The following DRC3 variants were observed in gnomAD, a reference collection of about 807,000 sequenced individuals.
DRC3 encodes the protein dynein regulatory complex subunit 3.
Under a neutral mutation model 57.6 loss-of-function variants are expected in DRC3, and 45 were observed. That is an observed-to-expected ratio of 0.78 (90% CI 0.62 to 1.00). The LOEUF (loss-of-function observed/expected upper bound fraction) is 1.00. DRC3 is among the 50% of genes least tolerant of loss of function. DRC3 has a pLI of 0.00. For synonymous variants in DRC3, 257 were observed against 272.3 expected (o/e 0.94, Z 0.55); for missense variants, 655 against 675.2 (o/e 0.97, Z 0.33).
intron 1 of DRC3, chr17:17,973,564 C>T (rs2042236334): frequency 6.6e-6 from 1 of 152,122 alleles, no homozygotes. Flanking sequence ...ACTGAGCACA[C>T]AGTAAGCATT....
chr17:17,974,246 A>G (rs1446197993), intron 2 of DRC3, among the ~76,000 whole-genome samples: 1 of 152,244 alleles, frequency 6.6e-6, no homozygotes, highest in Non-Finnish European at 1.5e-5. Context: ...TTAAGTTTCT[A>G]GAAATTTCTC....
intron 12 of DRC3, chr17:18,015,840 G>T: frequency 2.0e-6 from 1 of 502,080 alleles, no homozygotes; most frequent in South Asian, 2.7e-5. Context: ...TAACACCCTG[G>T]TTGGCCCTTT....
At chr17:17,987,214 CAAAAAAAAAAAA>C (rs1046062123) in intron 4 of DRC3, among the ~76,000 whole-genome samples, 5 of 45,190 alleles carry the variant, frequency 1.1e-4, no homozygotes, top group South Asian at 1.1e-3. Flanking sequence ...GACCCTGTCT[CAAAAAAAAAAAA>C]AAAAAAAAAA....
At chr17:17,987,827 T>C in intron 4 of DRC3, 105 bp from the exon 5 acceptor site, 4 of 1,209,224 alleles carry the variant, frequency 3.3e-6, no homozygotes, top group Non-Finnish European at 4.6e-6. Context: ...CCCTGGCAGC[T>C]TGGTGCTGGC....
At chr17:18,011,647 G>T in intron 12 of DRC3, 1 of 196,106 alleles carries the variant, frequency 5.1e-6, no homozygotes. Flanking sequence ...TGCCACCCTG[G>T]GCAACTTTGC....
intron 3 of DRC3, among the ~76,000 whole-genome samples, chr17:17,982,580 C>CTTTT (rs200264642): frequency 7.5e-6 from 1 of 133,668 alleles, no homozygotes; most frequent in Non-Finnish European, 1.6e-5. Context: ...TGAGCATATT[C>CTTTT]TTTTTTTTTT....
intron 5 of DRC3, among the ~76,000 whole-genome samples, chr17:17,990,744 C>T (rs146098273): frequency 0.017 from 2,637 of 152,310 alleles, 80 homozygotes; most frequent in African/African-American, 0.06. Context: ...GTAATCCCAG[C>T]ACTTTGGGAG....
intron 12 of DRC3, chr17:18,007,641 T>A: frequency 1.4e-6 from 2 of 1,397,488 alleles, no homozygotes; most frequent in Admixed American, 2.9e-5. Flanking sequence ...GGAACCTGGC[T>A]CCATCCCTGG....
intron 12 of DRC3, chr17:18,010,882 C>CCCATCAAGTAGTCTGAGATCATTG (rs1469465453): frequency 2.8e-6 from 1 of 356,644 alleles, no homozygotes; most frequent in African/African-American, 2.2e-5. Flanking sequence ...CTTCTCCCCG[C>CCCATCAAGTAGTCTGAGATCATTG]CCATCAAGTA....
intron 3 of DRC3, chr17:17,981,529 G>A (rs1209156889): frequency 6.5e-6 from 1 of 153,544 alleles, no homozygotes; most frequent in Non-Finnish European, 1.5e-5. Context: ...CCCCTAGGTT[G>A]TAGGTGGGCA....
chr17:17,996,453 A>G (rs961261203), intron 8 of DRC3, among the ~76,000 whole-genome samples: 1 of 152,178 alleles, frequency 6.6e-6, no homozygotes, highest in African/African-American at 2.4e-5. Context: ...AAACTCCCAT[A>G]TTTAAAACCA....
intron 9 of DRC3, among the ~76,000 whole-genome samples, chr17:18,003,484 TAAAAAAAAAAAAAAAAAA>T (rs71155309): frequency 1.3e-4 from 4 of 30,106 alleles, no homozygotes; most frequent in East Asian, 1.0e-3. Context: ...ACTACGTCTT[TAAAAAAAAAAAAAAAAAA>T]AAAAAAAAAA....
intron 12 of DRC3, chr17:18,011,342 G>T: frequency 2.9e-6 from 1 of 349,370 alleles, no homozygotes. Flanking sequence ...GTTGCCATCA[G>T]GGATTACAAT....
chr17:17,977,511 A>T (rs1168060864), intron 2 of DRC3, 71 bp from the exon 3 acceptor site: 52 of 1,578,978 alleles, frequency 3.3e-5, no homozygotes, highest in Non-Finnish European at 4.3e-5. Context: ...TACAGGGGGA[A>T]ACCTCAGCCA....
At chr17:17,987,194 A>C (rs916488896) in intron 4 of DRC3, among the ~76,000 whole-genome samples, 7 of 148,360 alleles carry the variant, frequency 4.7e-5, no homozygotes, top group African/African-American at 1.8e-4. Context: ...CAGTCTGCAC[A>C]ACAGAGCGAG....
In DRC3 at chr17:18,000,174, G is replaced by T. The variant is rs370632387; in HGVS notation, c.999+2540G>T. ...TGTACATGTATGCATAGCATGCCCTGTTCTGTACTTTGCTTTCCTCTGTGT... is the reference window on the plus strand; with the variant it reads ...TGTACATGTATGCATAGCATGCCCTTTTCTGTACTTTGCTTTCCTCTGTGT... On this transcript the variant is annotated intron_variant, in intron 9 of 13. Coordinates refer to ENST00000399187, the MANE Select transcript of DRC3 (RefSeq NM_031294.4). 1.8e-3 allele frequency among the ~76,000 whole-genome samples: 237 copies of T among 132,182 alleles called. 3 individuals are homozygous for T. In the South Asian group the frequency reaches 0.062, roughly 35 times the overall value. 86.7% of individuals were successfully genotyped at this position (132,182 alleles called of 152,430 possible).
chr17:17,992,002 C>T lies in DRC3; in HGVS notation c.445-763C>T, dbSNP rs145435051. ...CTTAAAAACAAAATAGGGCCGGGCG[C>T]GGTGGCTCACGCCTGTAATTCCAAC... On this transcript the variant is annotated intron_variant, in intron 5 of 13. Coordinates refer to ENST00000399187, the MANE Select transcript of DRC3 (RefSeq NM_031294.4). Among the ~76,000 whole-genome samples the T allele has an allele frequency of 7.1e-3, 1,088 of 152,250 alleles. 9 individuals carry two copies. The highest frequency in any genetic ancestry group is 0.025 in the African/African-American group (1,021 of 41,542).
intron 12 of DRC3, among the ~76,000 whole-genome samples, chr17:18,010,363 G>C (rs1389509599): frequency 6.6e-6 from 1 of 152,160 alleles, no homozygotes; most frequent in Admixed American, 6.5e-5. Context: ...AGGGGCACCA[G>C]CTGTTGCCTT....
At position 17,992,845 on chromosome 17, in the gene DRC3, G is replaced by T; in HGVS notation, c.525G>T (p.Lys175Asn). The change falls in exon 6 of 14, where the codon AAG becomes AAT. Residue 175 changes from lysine (K) to asparagine (N), a missense_variant. Physicochemically the swap from Lys to Asn is moderately conservative, Grantham distance 94 (BLOSUM62 0). Coordinates refer to ENST00000399187, the MANE Select transcript of DRC3 (RefSeq NM_031294.4). ...RNPISEAEDY[K>N]MFICAYLPDL... Reference sequence around the variant, plus strand: ...CTATCTCTGAGGCAGAGGATTACAAGATGTTCATCTGTGCCTACCTTCCTG... The same window carrying T: ...CTATCTCTGAGGCAGAGGATTACAATATGTTCATCTGTGCCTACCTTCCTG... 6.2e-7 allele frequency: 1 copy of T among 1,613,996 alleles called. No individual in the cohort carries two copies. Among genetic ancestry groups the T allele is most frequent in the Non-Finnish European group, 8.5e-7 (1 of 1,179,882 alleles).
Sources: gnomAD v4.1 joint callset for allele counts (sites outside exome capture counted in the v4.1 genomes callset) on GRCh38, gnomAD v4.1.1 for gene constraint, MANE v1.5 for transcripts, NCBI Gene and HGNC (gene_info 2026-07-23, HGNC 2026-07-21) for gene names.